Variants in MACF1 observed in about 807,000 individuals in gnomAD.
MACF1 encodes microtubule-actin cross-linking factor 1.
A neutral mutation model predicts 854.8 loss-of-function variants in MACF1; 193 were observed. The observed-to-expected ratio is 0.23, with a 90% CI of 0.20 to 0.25. MACF1 has a LOEUF of 0.25. Among genes scored for constraint, MACF1 ranks in the 10% least tolerant of loss-of-function variants. The pLI is 1.00. For synonymous variants in MACF1, 3,185 were observed against 3,226.7 expected (o/e 0.99, Z 0.44); for missense variants, 7,722 against 8,929.1 (o/e 0.86, Z 5.45).
Position 39,429,846 on chromosome 1 carries a change from C to T in MACF1, c.16908C>T (p.Ile5636=). 1 of 1,613,936 alleles carries T rather than the reference C, an allele frequency of 6.2e-7. No homozygotes were observed. Among genetic ancestry groups the T allele is most frequent in the Admixed American group, 1.7e-5 (1 of 59,998 alleles). ...KQTTGEEVLL[I]QEKLDGIKTR... ...CCATAGGTGAGGAGGTGTTACTTATCCAGGAAAAACTAGATGGTATAAAGA... is the reference window on the plus strand; with the variant it reads ...CCATAGGTGAGGAGGTGTTACTTATTCAGGAAAAACTAGATGGTATAAAGA... The change falls in exon 65 of 101, where the codon ATC becomes ATT. Residue 5636 remains isoleucine (I), a synonymous_variant. Coordinates refer to ENST00000564288, the MANE Select transcript of MACF1 (RefSeq NM_001394062.1).
intron 1 of MACF1, among the ~76,000 whole-genome samples, chr1:39,215,686 A>C (rs896357972): frequency 9.9e-5 from 15 of 152,158 alleles, no homozygotes; most frequent in African/African-American, 3.4e-4. Context: ...ATTCATGCTC[A>C]TGCTTCTGCC....
At chr1:39,481,446 G>A (rs1025081594) in intron 99 of MACF1, among the ~76,000 whole-genome samples, 3 of 152,194 alleles carry the variant, frequency 2.0e-5, no homozygotes, top group Admixed American at 2.0e-4. Context: ...ACAGAAGAGT[G>A]GTTGGCGCCA....
chr1:39,133,694 T>A (rs1429577493), intron 2 of MACF1, among the ~76,000 whole-genome samples: 1 of 152,222 alleles, frequency 6.6e-6, no homozygotes, highest in Non-Finnish European at 1.5e-5. Flanking sequence ...AGTTAACATC[T>A]GTCACTTCAC....
chr1:39,455,367 T>G (rs1056292735), intron 89 of MACF1, among the ~76,000 whole-genome samples: 2 of 152,130 alleles, frequency 1.3e-5, no homozygotes, highest in African/African-American at 4.8e-5. Context: ...GGGTCCTCTT[T>G]TAGGCTCACT....
intron 6 of MACF1, among the ~76,000 whole-genome samples, chr1:39,270,749 G>A (rs1303013264): frequency 6.6e-6 from 1 of 152,126 alleles, no homozygotes; most frequent in African/African-American, 2.4e-5. Flanking sequence ...CTAGATGGGG[G>A]CCACTGATAC....
intron 2 of MACF1, among the ~76,000 whole-genome samples, chr1:39,113,165 A>G (rs1642455784): frequency 1.3e-5 from 2 of 151,950 alleles, no homozygotes; most frequent in Admixed American, 1.3e-4. Flanking sequence ...CCTACCCCTA[A>G]TCTCAATATC....
At chr1:39,276,335 T>A (rs1241878058) in intron 6 of MACF1, among the ~76,000 whole-genome samples, 2 of 152,030 alleles carry the variant, frequency 1.3e-5, no homozygotes, top group Non-Finnish European at 1.5e-5. Flanking sequence ...GAACAACTCG[T>A]CTCATCCACT....
chr1:39,436,445 C>T, intron 70 of MACF1: 1 of 1,613,238 alleles, frequency 6.2e-7, no homozygotes, highest in African/African-American at 1.3e-5. Flanking sequence ...CACATCGTCA[C>T]ATTTCATTGT....
At chr1:39,193,331 T>C (rs981882241) in intron 2 of MACF1, among the ~76,000 whole-genome samples, 2 of 152,110 alleles carry the variant, frequency 1.3e-5, no homozygotes, top group African/African-American at 4.8e-5. Context: ...TTACTTAAAA[T>C]GGTAATATGG....
chr1:39,485,886 T>G lies in MACF1; in HGVS notation c.*92T>G. On this transcript the variant is annotated 3_prime_UTR_variant, in exon 101 of 101. Coordinates refer to ENST00000564288, the MANE Select transcript of MACF1 (RefSeq NM_001394062.1). ...ATTCTGAACGGGAGAAGTTATATTG[T>G]TAAAAGTGTAAAAGAATAATTGTGT... is the stretch of plus-strand genomic sequence containing the variant. 1 of 1,311,278 alleles carries G rather than the reference T, an allele frequency of 7.6e-7. No homozygotes were observed. Among genetic ancestry groups the G allele is most frequent in the Non-Finnish European group, 1.0e-6 (1 of 1,001,472 alleles). 81.2% of individuals were successfully genotyped at this position (1,311,278 alleles called of 1,614,324 possible). A position where few individuals can be genotyped will look rare whatever the true frequency, so the allele number is the denominator to read the frequency against.
intron 88 of MACF1, 109 bp from the exon 89 acceptor site, chr1:39,454,800 C>CA (rs913526405): frequency 2.3e-5 from 23 of 1,015,108 alleles, no homozygotes; most frequent in Non-Finnish European, 3.0e-5. Context: ...AGTCTGTCTC[C>CA]AAAAAAATAA....
At chr1:39,349,388 T>C (rs941368329) in intron 41 of MACF1, 90 bp from the exon 42 acceptor site, 11 of 1,369,016 alleles carry the variant, frequency 8.0e-6, no homozygotes, top group Middle Eastern at 1.9e-4. Flanking sequence ...CCTTGAGATA[T>C]AACCTTCCTG....
intron 2 of MACF1, among the ~76,000 whole-genome samples, chr1:39,238,006 A>G (rs1312004363): frequency 6.6e-6 from 1 of 152,118 alleles, no homozygotes; most frequent in African/African-American, 2.4e-5. Flanking sequence ...GGTGTTAAAA[A>G]CCATTACGAC....
At chr1:39,455,155 C>A in intron 89 of MACF1, 58 bp downstream of exon 89, 1 of 1,518,978 alleles carries the variant, frequency 6.6e-7, no homozygotes, top group Non-Finnish European at 9.1e-7. Flanking sequence ...TGGAGACCAT[C>A]TCTGTTGCCC....
intron 58 of MACF1, among the ~76,000 whole-genome samples, chr1:39,400,497 T>G (rs546368363): frequency 2.0e-5 from 3 of 152,092 alleles, no homozygotes; most frequent in African/African-American, 7.2e-5. Flanking sequence ...TTTTTTTCAT[T>G]TTTTGTTTGT....
chr1:39,268,159 TG>T (rs1645255868), intron 6 of MACF1, among the ~76,000 whole-genome samples: 1 of 152,174 alleles, frequency 6.6e-6, no homozygotes, highest in African/African-American at 2.4e-5. Flanking sequence ...CTTCCCTTGC[TG>T]GTTAGTACCA....
chr1:39,363,960 T>G (rs1390625653), intron 49 of MACF1, among the ~76,000 whole-genome samples: 2 of 152,200 alleles, frequency 1.3e-5, no homozygotes, highest in Non-Finnish European at 2.9e-5. Flanking sequence ...TCCGAAATTG[T>G]GCTATTACTA....
chr1:39,162,571 C>T (rs2148210284), intron 2 of MACF1, among the ~76,000 whole-genome samples: 1 of 152,224 alleles, frequency 6.6e-6, no homozygotes. Context: ...GCACTTTAAA[C>T]ATACTTGTTT....
At chr1:39,172,182 A>G (rs1643959727) in intron 2 of MACF1, among the ~76,000 whole-genome samples, 1 of 152,164 alleles carries the variant, frequency 6.6e-6, no homozygotes, top group South Asian at 2.1e-4. Context: ...TGAATTTTAT[A>G]TAGAAGGGAG....
Sources: allele counts gnomAD v4.1 joint callset (sites outside exome capture counted in the v4.1 genomes callset), GRCh38; gene constraint gnomAD v4.1.1; transcripts MANE v1.5; gene names NCBI Gene and HGNC (gene_info 2026-07-23, HGNC 2026-07-21).